TCF7L1: variants seen among roughly 807,000 people sequenced by gnomAD.
The protein encoded by TCF7L1 is transcription factor 7-like 1.
In TCF7L1, 18 loss-of-function variants were observed where a neutral mutation model predicts 63.7. The ratio of observed to expected loss-of-function variants is 0.28; its 90% CI spans 0.20 to 0.42. TCF7L1 has a LOEUF of 0.42. Ranked by LOEUF, TCF7L1 falls within the 10% of genes least tolerant of loss-of-function variation. TCF7L1 has a pLI of 1.00. For missense variants in TCF7L1, 654 were observed against 779.3 expected, an observed-to-expected ratio of 0.84 and a Z score of 1.91; for synonymous variants, 355 against 340.9, an observed-to-expected ratio of 1.04 and a Z score of -0.46.
chr2:85,134,164 T>G lies in TCF7L1; in HGVS notation c.313+85T>G. 6.4e-7 allele frequency: 1 copy of G among 1,554,750 alleles called. No individual in the cohort carries two copies. The highest frequency in any genetic ancestry group is 1.4e-5 in the African/African-American group (1 of 72,782). On this transcript the variant is annotated intron_variant, in intron 2 of 11. Transcript: ENST00000282111. The surrounding 1 kb of genome is among the most constrained non-coding windows in gnomAD (Gnocchi z 5.0). ...CCGGGCGGCCCACCGTCCCCCTTGC[T>G]TGGGTGGACGCACCCTTGCCCTCCG...
At chr2:85,142,482 A>AT (rs1677766366) in intron 3 of TCF7L1, among the ~76,000 whole-genome samples, 1 of 127,132 alleles carries the variant, frequency 7.9e-6, no homozygotes, top group Admixed American at 7.8e-5. Context: ...TATATATATA[A>AT]TATATATATA....
intron 3 of TCF7L1, among the ~76,000 whole-genome samples, chr2:85,264,604 C>T (rs1680926941): frequency 6.6e-6 from 1 of 152,210 alleles, no homozygotes; most frequent in African/African-American, 2.4e-5. Context: ...ACTTCATGCA[C>T]AGGCTATGCC....
At chr2:85,142,062 G>A (rs949153229) in intron 3 of TCF7L1, among the ~76,000 whole-genome samples, 1 of 152,174 alleles carries the variant, frequency 6.6e-6, no homozygotes, top group Non-Finnish European at 1.5e-5. Flanking sequence ...GGAAGACATG[G>A]CACACCTGGG....
intron 3 of TCF7L1, among the ~76,000 whole-genome samples, chr2:85,242,519 C>T (rs1450361698): frequency 3.9e-5 from 6 of 152,234 alleles, no homozygotes; most frequent in East Asian, 1.9e-4. Flanking sequence ...CTGACCTAGA[C>T]GCTGCACCCG....
chr2:85,153,434 C>T (rs1207295440), intron 3 of TCF7L1, among the ~76,000 whole-genome samples: 3 of 148,754 alleles, frequency 2.0e-5, no homozygotes, highest in African/African-American at 5.0e-5. Context: ...CTCCGCCTCC[C>T]GGGTTCACGC....
chr2:85,242,866 C>T (rs7598881), intron 3 of TCF7L1, among the ~76,000 whole-genome samples: 4,977 of 152,302 alleles, frequency 0.033, 282 homozygotes, highest in African/African-American at 0.11. Context: ...CTCAGCCTTT[C>T]CTAGTACACT....
intron 3 of TCF7L1, among the ~76,000 whole-genome samples, chr2:85,138,117 T>A (rs968061309): frequency 1.1e-4 from 16 of 152,128 alleles, no homozygotes; most frequent in African/African-American, 3.1e-4. Flanking sequence ...GAGTCTGTGG[T>A]TTTTGTGTCC....
chr2:85,154,636 C>T (rs1299180315), intron 3 of TCF7L1, among the ~76,000 whole-genome samples: 1 of 152,206 alleles, frequency 6.6e-6, no homozygotes, highest in African/African-American at 2.4e-5. Context: ...GCTCTCTGTA[C>T]TTGAGCACAT....
At position 85,305,301 on chromosome 2, in the gene TCF7L1, C is replaced by G. The variant is rs200127157; in HGVS notation, c.887C>G (p.Ala296Gly). The G allele has an allele frequency of 6.0e-5, 97 of 1,613,846 alleles. 1 individual carries two copies. Among genetic ancestry groups the G allele is most frequent in the Non-Finnish European group, 8.0e-5 (94 of 1,180,004 alleles). Residue 296 changes from alanine to glycine, a missense_variant, in exon 8 of 12, where the codon GCC becomes GGC. Physicochemically the swap from Ala to Gly is moderately conservative, Grantham distance 60 (BLOSUM62 0). This residue lies in a region of TCF7L1 where 404 missense variants were observed against 454.8 expected (regional missense o/e 0.89). Coordinates refer to ENST00000282111, the MANE Select transcript of TCF7L1 (RefSeq NM_031283.3). The part of the protein sequence containing the change: ...SRFSPHMVAP[A>G]HPGLPTSGIP... ...TTCTCTCCTCACATGGTGGCTCCTG[C>G]CCACCCTGGCCTGCCCACCTCAGGG...
intron 3 of TCF7L1, among the ~76,000 whole-genome samples, chr2:85,282,807 T>TGC (rs1399569104): frequency 1.4e-5 from 2 of 146,890 alleles, no homozygotes; most frequent in Non-Finnish European, 3.0e-5. Context: ...TGTGTGTGTG[T>TGC]GTGTGTGTGT....
chr2:85,151,543 C>A (rs7560555), intron 3 of TCF7L1, among the ~76,000 whole-genome samples: 8,938 of 152,150 alleles, frequency 0.059, 357 homozygotes, highest in Middle Eastern at 0.11. Flanking sequence ...ACCTCATTTG[C>A]AGTTTCAAAA....
chr2:85,139,836 C>T (rs551899686), intron 3 of TCF7L1, among the ~76,000 whole-genome samples: 62 of 152,080 alleles, frequency 4.1e-4, no homozygotes, highest in African/African-American at 1.4e-3. Context: ...GGCTAGGGGA[C>T]CTAGAATGCC....
At chr2:85,250,803 A>G (rs1489140929) in intron 3 of TCF7L1, among the ~76,000 whole-genome samples, 1 of 152,176 alleles carries the variant, frequency 6.6e-6, no homozygotes, top group Admixed American at 6.6e-5. Flanking sequence ...GTGTATGTTA[A>G]AAGCTCCCAA....
chr2:85,188,882 A>G (rs2104261711), intron 3 of TCF7L1, among the ~76,000 whole-genome samples: 1 of 152,354 alleles, frequency 6.6e-6, no homozygotes, highest in South Asian at 2.1e-4. Flanking sequence ...TGGGAAGCCT[A>G]AGAACATAAT....
At chr2:85,233,053 T>C (rs1288933230) in intron 3 of TCF7L1, 1 of 152,248 alleles carries the variant, frequency 6.6e-6, no homozygotes, top group Non-Finnish European at 1.5e-5. Flanking sequence ...CACCTCAGCC[T>C]TCTCAGTAGC....
chr2:85,189,314 A>G (rs564197515), intron 3 of TCF7L1, among the ~76,000 whole-genome samples: 14 of 152,152 alleles, frequency 9.2e-5, no homozygotes, highest in African/African-American at 3.4e-4. Flanking sequence ...TTTCTTGGTG[A>G]CATGTTAGAC....
chr2:85,217,509 C>T (rs752569128), intron 3 of TCF7L1, among the ~76,000 whole-genome samples: 3 of 152,216 alleles, frequency 2.0e-5, no homozygotes, highest in Non-Finnish European at 4.4e-5. Flanking sequence ...TTCCCATGGG[C>T]ACCATGCTCT....
chr2:85,212,220 C>T (rs77690004), intron 3 of TCF7L1, among the ~76,000 whole-genome samples: 7,750 of 152,184 alleles, frequency 0.051, 296 homozygotes, highest in Non-Finnish European at 0.083. Flanking sequence ...CTGTGGCCAC[C>T]CCTCCTGCAG....
At chr2:85,254,564 C>T (rs183206140) in intron 3 of TCF7L1, among the ~76,000 whole-genome samples, 48 of 152,330 alleles carry the variant, frequency 3.2e-4, no homozygotes, top group African/African-American at 1.1e-3. Flanking sequence ...TCCAGCACCC[C>T]GATCCACATT....
Sources: gnomAD v4.1 joint callset for allele counts (sites outside exome capture counted in the v4.1 genomes callset) on GRCh38, gnomAD v4.1.1 for gene constraint, gnomAD v4.1.1 regional missense constraint, Gnocchi (gnomAD v3.1) non-coding constraint, MANE v1.5 for transcripts, NCBI Gene and HGNC (gene_info 2026-07-23, HGNC 2026-07-21) for gene names.